SNRNP200: variants seen among roughly 807,000 people sequenced by gnomAD.
The protein encoded by SNRNP200 is U5 small nuclear ribonucleoprotein 200 kDa helicase.
Under a neutral mutation model 255.2 loss-of-function variants are expected in SNRNP200, and 66 were observed. The ratio of observed to expected loss-of-function variants is 0.26; its 90% CI spans 0.21 to 0.32. The LOEUF is 0.32. SNRNP200 is among the 10% of genes least tolerant of loss of function. The pLI is 1.00. For synonymous variants in SNRNP200, 939 were observed against 1,027.8 expected (o/e 0.91, Z 1.65); for missense variants, 1,585 against 2,749.8 (o/e 0.58, Z 9.47).
chr2:96,291,531 G>A lies in SNRNP200; in HGVS notation c.2311-29C>T, dbSNP rs752917538. ...TGGAACAAAGAACCGGGGATGAGGC[G>A]AGCCTTCCTGTAGGACTCATCCAAG... On this transcript the variant is annotated intron_variant, in intron 17 of 44. Coordinates refer to ENST00000323853, the MANE Select transcript of SNRNP200 (RefSeq NM_014014.5). The surrounding 1 kb of genome is among the most constrained non-coding windows in gnomAD (Gnocchi z 4.2). The A allele has an allele frequency of 4.5e-5, 65 of 1,458,378 alleles. No homozygotes were observed. Among genetic ancestry groups the A allele is most frequent in the South Asian group, 1.8e-4 (16 of 88,082 alleles). The allele number at this position is 1,458,378 out of a possible 1,614,324, so 90.3% of individuals were successfully genotyped here. A position where few individuals can be genotyped will look rare whatever the true frequency, so the allele number is the denominator to read the frequency against.
intron 5 of SNRNP200, among the ~76,000 whole-genome samples, chr2:96,300,111 C>T (rs1406120250): frequency 6.6e-6 from 1 of 152,196 alleles, no homozygotes; most frequent in African/African-American, 2.4e-5. Flanking sequence ...ACCCCTTCTT[C>T]CAGCCTTGGT....
Position 96,279,507 on chromosome 2 carries a change from G to C in SNRNP200, c.5077C>G (p.Arg1693Gly). 1 of 1,614,104 alleles carries C rather than the reference G, an allele frequency of 6.2e-7. No homozygotes were observed. The highest frequency in any genetic ancestry group is 8.5e-7 in the Non-Finnish European group (1 of 1,179,994). Residue 1693 changes from arginine (R) to glycine (G), a missense_variant, in exon 36 of 45, where the codon CGC becomes GGC. Arg to Gly is a moderately radical substitution (Grantham distance 125). Coordinates refer to ENST00000323853, the MANE Select transcript of SNRNP200 (RefSeq NM_014014.5). The stretch of plus-strand genomic sequence containing the variant: ...CGCCCCTCATCGTCCTGCAAAGGGC[G>C]GTTGGCGTGGCCCACCATCTGAAGC... ...DVLQMVGHANRPLQDDEGRCV... is the reference protein window; with the variant it reads ...DVLQMVGHANGPLQDDEGRCV...
At position 96,287,215 on chromosome 2, in the gene SNRNP200, A is replaced by C. The variant is rs1458918000; in HGVS notation, c.3485-55T>G. On this transcript the variant is annotated intron_variant, in intron 26 of 44. Coordinates refer to ENST00000323853, the MANE Select transcript of SNRNP200 (RefSeq NM_014014.5). The surrounding 1 kb of genome is among the most constrained non-coding windows in gnomAD (Gnocchi z 5.7). ...AGCCCAGCCTGCCTACTATACTGCA[A>C]ACTGGGCCTGAGGGCCACTGTGGGA... is the stretch of plus-strand genomic sequence containing the variant. 5.6e-6 allele frequency: 9 copies of C among 1,606,910 alleles called. No homozygotes were observed. In the East Asian group the frequency reaches 2.0e-4, roughly 36 times the overall value.
chr2:96,285,411 T>C (rs1435315378), intron 29 of SNRNP200, 71 bp from the exon 30 acceptor site: 13 of 1,539,736 alleles, frequency 8.4e-6, no homozygotes, highest in Non-Finnish European at 1.2e-5. Flanking sequence ...CATGGATCAA[T>C]TGTCAAAACA....
At chr2:96,285,042 G>A (rs767368551) in intron 30 of SNRNP200, 138 bp downstream of exon 30, 7 of 1,043,012 alleles carry the variant, frequency 6.7e-6, no homozygotes, top group Admixed American at 2.0e-5. Context: ...GAGCCACCAC[G>A]CTTGGCTGGG....
At chr2:96,295,396 GA>G in intron 14 of SNRNP200, 91 bp downstream of exon 14, 1 of 1,528,752 alleles carries the variant, frequency 6.5e-7, no homozygotes, top group Middle Eastern at 2.3e-4. Context: ...AGTGCCTACA[GA>G]AAAGGCAGCA....
Position 96,283,897 on chromosome 2 carries a change from C to A in SNRNP200, c.4500G>T (p.Val1500=). 6.3e-7 allele frequency: 1 copy of A among 1,596,184 alleles called. No homozygotes were observed. Among genetic ancestry groups the A allele is most frequent in the Non-Finnish European group, 8.5e-7 (1 of 1,171,420 alleles). Residue 1500 remains valine, a synonymous_variant, in exon 32 of 45, where the codon GTG becomes GTT. Transcript: ENST00000323853. The surrounding 1 kb of genome is among the most constrained non-coding windows in gnomAD (Gnocchi z 4.7). The part of the protein sequence containing the change: ...LSSSLSNAKD[V]AHWLGCSATS... Reference sequence around the variant, plus strand: ...TGGCACTGCAGCCCAGCCAGTGGGCCACATCCTTGGCATTGGAGAGCGAAG... The same window carrying A: ...TGGCACTGCAGCCCAGCCAGTGGGCAACATCCTTGGCATTGGAGAGCGAAG...
At chr2:96,304,938 A>T in intron 1 of SNRNP200, 70 bp from the exon 2 acceptor site, 1 of 1,549,502 alleles carries the variant, frequency 6.5e-7, no homozygotes, top group South Asian at 1.2e-5. Context: ...TAGTTACCCC[A>T]GCTGATGGAA....
At chr2:96,299,708 T>C (rs1430579013) in intron 5 of SNRNP200, among the ~76,000 whole-genome samples, 1 of 151,918 alleles carries the variant, frequency 6.6e-6, no homozygotes, top group Non-Finnish European at 1.5e-5. Flanking sequence ...CAATCAACAC[T>C]CAAAAACAGT....
chr2:96,286,387 C>A lies in SNRNP200; in HGVS notation c.3927G>T (p.Val1309=). 2.5e-6 allele frequency: 4 copies of A among 1,614,200 alleles called. No individual in the cohort carries two copies. The highest frequency in any genetic ancestry group is 3.4e-6 in the Non-Finnish European group (4 of 1,180,032). Residue 1309 remains valine, a synonymous_variant, in exon 29 of 45, where the codon GTG becomes GTT. Transcript: ENST00000323853. The surrounding 1 kb of genome is among the most constrained non-coding windows in gnomAD (Gnocchi z 4.8). ...TELLDLQPLP[V]SALRNSAFES... is the part of the protein sequence containing the mutation. Reference sequence around the variant, plus strand: ...CAAAGGCACTGTTTCTCAGAGCAGACACGGGCAAGGGCTGCAGGTCCAAAA... The same window carrying A: ...CAAAGGCACTGTTTCTCAGAGCAGAAACGGGCAAGGGCTGCAGGTCCAAAA...
In SNRNP200 at chr2:96,287,225, G is replaced by C; in HGVS notation, c.3485-65C>G. ...GCCTACTATACTGCAAACTGGGCCT[G>C]AGGGCCACTGTGGGAAAGGGGTAGG... On this transcript the variant is annotated intron_variant, in intron 26 of 44. Transcript: ENST00000323853. The surrounding 1 kb of genome is among the most constrained non-coding windows in gnomAD (Gnocchi z 5.7). The C allele has an allele frequency of 6.3e-7, 1 of 1,589,304 alleles. No individual in the cohort carries two copies. The highest frequency in any genetic ancestry group is 1.3e-5 in the African/African-American group (1 of 74,572).
rs757755530 is a variant in SNRNP200, at chr2:96,287,538, G to T, written c.3385C>A (p.Leu1129Met). The change falls in exon 26 of 45, where the codon CTG (leucine) becomes ATG (methionine). Residue 1129 changes from leucine to methionine, a missense_variant. By Grantham distance (15) the Leu-to-Met change is conservative. This residue lies in a region of SNRNP200 where 719 missense variants were observed against 1,091.1 expected (regional missense o/e 0.66). Coordinates refer to ENST00000323853, the MANE Select transcript of SNRNP200 (RefSeq NM_014014.5). This position sits in a 1 kb window ranked among gnomAD's most constrained non-coding sequence, Gnocchi z 5.7. ...TCAGGGAGTTTCCGGAACTGGCGCA[G>T]AGGACACATGGACTGCCACCTATCC... Reference protein sequence around the residue: ...DKRMWQSMCPLRQFRKLPEEV... With the variant: ...DKRMWQSMCPMRQFRKLPEEV... The T allele has an allele frequency of 1.9e-6, 3 of 1,613,918 alleles. No individual in the cohort carries two copies. The highest frequency in any genetic ancestry group is 2.5e-6 in the Non-Finnish European group (3 of 1,179,912).
Position 96,283,956 on chromosome 2 carries a change from T to C in SNRNP200, c.4441A>G (p.Ile1481Val), listed in dbSNP as rs1334929705. 25 of 1,600,756 alleles carry C rather than the reference T, an allele frequency of 1.6e-5. No individual in the cohort carries two copies. The highest frequency in any genetic ancestry group is 2.0e-5 in the Non-Finnish European group (23 of 1,173,856). The change falls in exon 32 of 45, where the codon ATT becomes GTT. Residue 1481 changes from isoleucine to valine, a missense_variant. Ile to Val is a conservative substitution (Grantham distance 29, BLOSUM62 3). This residue lies in a region of SNRNP200 where 719 missense variants were observed against 1,091.1 expected (regional missense o/e 0.66). Transcript: ENST00000323853. The surrounding 1 kb of genome is among the most constrained non-coding windows in gnomAD (Gnocchi z 4.7). ...CSRMRYISSQ[I>V]ERPIRIVALS... ...GCCACAATGCGAATGGGCCGCTCAATCTGGGAGGAGATGTAGCGCATTCGG... is the reference window on the plus strand; with the variant it reads ...GCCACAATGCGAATGGGCCGCTCAACCTGGGAGGAGATGTAGCGCATTCGG...
chr2:96,300,173 GAACTCTAAGGCACTGT>G (rs372603800), intron 5 of SNRNP200, among the ~76,000 whole-genome samples: 19 of 152,194 alleles, frequency 1.2e-4, no homozygotes, highest in African/African-American at 1.4e-4. Flanking sequence ...TACTCACTGA[GAACTCTAAGGCACTGT>G]AATTTTCTCA....
chr2:96,282,468 C>G (rs2063808349), intron 34 of SNRNP200: 1 of 179,828 alleles, frequency 5.6e-6, no homozygotes, highest in Non-Finnish European at 1.2e-5. Flanking sequence ...CTCCTCTGTG[C>G]TAATCTCTAA....
chr2:96,299,380 A>G lies in SNRNP200; in HGVS notation c.678T>C (p.Asp226=), dbSNP rs1395696538. ...VYGEVREEAS[D]DDMEGDEAVV... ...CAGCCTCGTCCCCTTCCATGTCATC[A>G]TCAGATGCCTCTTCTCGAACCTCCC... Residue 226 remains aspartate (D), a synonymous_variant, in exon 6 of 45, where the codon GAT becomes GAC. Coordinates refer to ENST00000323853, the MANE Select transcript of SNRNP200 (RefSeq NM_014014.5). 3 of 1,614,138 alleles carry G rather than the reference A, an allele frequency of 1.9e-6. No homozygotes were observed. Among genetic ancestry groups the G allele is most frequent in the Non-Finnish European group, 2.5e-6 (3 of 1,180,032 alleles).
intron 12 of SNRNP200, 84 bp downstream of exon 12, chr2:96,296,849 G>A: frequency 1.3e-6 from 2 of 1,572,720 alleles, no homozygotes; most frequent in Non-Finnish European, 1.7e-6. Flanking sequence ...GAATTAGGGG[G>A]TGGGGGTGGA....
intron 13 of SNRNP200, 67 bp downstream of exon 13, chr2:96,296,469 C>T: frequency 2.0e-6 from 3 of 1,530,858 alleles, no homozygotes; most frequent in South Asian, 2.3e-5. Flanking sequence ...CGGTGAGGTC[C>T]AGGCCTGTCC....
At position 96,303,144 on chromosome 2, in the gene SNRNP200, C is replaced by T; in HGVS notation, c.381+15G>A. On this transcript the variant is annotated intron_variant, in intron 3 of 44. Transcript: ENST00000323853. ...AAATAAAGACCTAATATATATTTCACAATATCACACTCACCTGGTCCCCAA... is the reference window on the plus strand; with the variant it reads ...AAATAAAGACCTAATATATATTTCATAATATCACACTCACCTGGTCCCCAA... The T allele has an allele frequency of 6.2e-7, 1 of 1,613,338 alleles. No homozygotes were observed. The highest frequency in any genetic ancestry group is 8.5e-7 in the Non-Finnish European group (1 of 1,179,288).
Sources: allele counts gnomAD v4.1 joint callset (sites outside exome capture counted in the v4.1 genomes callset), GRCh38; gene constraint gnomAD v4.1.1; regional missense constraint gnomAD v4.1.1; non-coding constraint Gnocchi (gnomAD v3.1); transcripts MANE v1.5; gene names NCBI Gene and HGNC (gene_info 2026-07-23, HGNC 2026-07-21).